Variants in PEX14 observed in about 807,000 individuals in gnomAD.
The protein encoded by PEX14 is peroxisomal biogenesis factor 14, also known as peroxisomal membrane protein PEX14.
Under a neutral mutation model 49.5 loss-of-function variants are expected in PEX14, and 15 were observed. The observed-to-expected ratio is 0.30, with a 90% CI of 0.20 to 0.47. PEX14 has a LOEUF of 0.47. PEX14 is among the 20% of genes least tolerant of loss of function. The probability of loss-of-function intolerance (pLI) is 1.00; values close to 1 mark genes in which losing one functional copy is unlikely to be tolerated. For missense variants in PEX14, 398 were observed against 494.8 expected, an observed-to-expected ratio of 0.80 and a Z score of 1.86; for synonymous variants, 210 against 212.7, an observed-to-expected ratio of 0.99 and a Z score of 0.11.
chr1:10,615,217 T>A (rs898932893), intron 4 of PEX14, among the ~76,000 whole-genome samples: 1 of 152,164 alleles, frequency 6.6e-6, no homozygotes, highest in African/African-American at 2.4e-5. Context: ...AACCTCTGCA[T>A]GCGACAAAAC....
intron 2 of PEX14, among the ~76,000 whole-genome samples, chr1:10,524,089 A>G (rs1359088702): frequency 1.3e-5 from 2 of 152,164 alleles, no homozygotes; most frequent in Non-Finnish European, 2.9e-5. Context: ...CCACAGATAA[A>G]TGGTGCTAGC....
intron 1 of PEX14, among the ~76,000 whole-genome samples, chr1:10,488,539 G>A (rs1361214610): frequency 3.3e-5 from 5 of 151,538 alleles, no homozygotes; most frequent in African/African-American, 9.7e-5. Context: ...TCACTCTGTC[G>A]CCCTGGCTGG....
chr1:10,476,235 C>T (rs1010257275), intron 1 of PEX14, among the ~76,000 whole-genome samples: 4 of 152,168 alleles, frequency 2.6e-5, no homozygotes, highest in Non-Finnish European at 5.9e-5. Flanking sequence ...TGTGTTCCCC[C>T]ATACCAGTTT....
chr1:10,480,859 CTATA>C (rs534388595), intron 1 of PEX14, among the ~76,000 whole-genome samples: 6 of 126,006 alleles, frequency 4.8e-5, no homozygotes, highest in African/African-American at 1.5e-4. Flanking sequence ...CTCTCTCTCT[CTATA>C]TATATATTTT....
intron 2 of PEX14, among the ~76,000 whole-genome samples, chr1:10,533,046 T>C (rs935182736): frequency 5.3e-5 from 8 of 152,284 alleles, no homozygotes; most frequent in African/African-American, 1.7e-4. Flanking sequence ...CCCCATTTTG[T>C]AGTGCCAGTT....
In PEX14 at chr1:10,536,388, G is replaced by A. The variant is rs528768248; in HGVS notation, c.169+91G>A. 4.8e-6 allele frequency: 4 copies of A among 840,658 alleles called. No homozygotes were observed. In the South Asian group the frequency reaches 5.4e-5, roughly 11 times the overall value. The allele number at this position is 840,658 out of a possible 1,614,324, so 52.1% of individuals were successfully genotyped here. On this transcript the variant is annotated intron_variant, in intron 3 of 8. Coordinates refer to ENST00000356607, the MANE Select transcript of PEX14 (RefSeq NM_004565.3). The stretch of plus-strand genomic sequence containing the variant: ...CACGGTGCAAGGCAGGTGCTGAGCT[G>A]CCAGGACTTCCTAGAGCTGCCCACT...
intron 4 of PEX14, among the ~76,000 whole-genome samples, chr1:10,599,709 C>T (rs1159178288): frequency 1.3e-5 from 2 of 152,224 alleles, no homozygotes; most frequent in East Asian, 1.9e-4. Context: ...CTAAAAACAG[C>T]GTGACCATCT....
chr1:10,502,820 A>G lies in PEX14; in HGVS notation c.84+7499A>G, dbSNP rs147448898. Among the ~76,000 whole-genome samples the G allele has an allele frequency of 7.6e-3, 1,119 of 147,440 alleles. 14 individuals are homozygous for G. The highest frequency in any genetic ancestry group is 0.027 in the African/African-American group (1,065 of 39,854). On this transcript the variant is annotated intron_variant, in intron 2 of 8. Transcript: ENST00000356607. The stretch of plus-strand genomic sequence containing the variant: ...TCTTTTTTTTTTTTTTTTTAATGAC[A>G]GAGTCTTTCTCTGTCACTCAGGCTG...
At chr1:10,497,065 G>C (rs1490403017) in intron 2 of PEX14, among the ~76,000 whole-genome samples, 2 of 151,810 alleles carry the variant, frequency 1.3e-5, no homozygotes, top group Admixed American at 1.3e-4. Context: ...TTAAAAGGTA[G>C]ACCCTTTCTC....
chr1:10,497,084 ACT>A (rs1641580596), intron 2 of PEX14, among the ~76,000 whole-genome samples: 2 of 151,470 alleles, frequency 1.3e-5, no homozygotes, highest in African/African-American at 4.9e-5. Context: ...TCCTTCCCCC[ACT>A]TTTTTGTTTA....
chr1:10,555,335 C>T (rs1195003936), intron 3 of PEX14, among the ~76,000 whole-genome samples: 3 of 151,974 alleles, frequency 2.0e-5, no homozygotes, highest in Non-Finnish European at 2.9e-5. Flanking sequence ...GACACTCACT[C>T]GAAGAGCCTT....
At chr1:10,562,193 G>A (rs367711908) in intron 3 of PEX14, among the ~76,000 whole-genome samples, 12 of 152,210 alleles carry the variant, frequency 7.9e-5, no homozygotes, top group African/African-American at 2.9e-4. Flanking sequence ...CATGAGTCAT[G>A]AGGCCCAGCT....
intron 5 of PEX14, among the ~76,000 whole-genome samples, chr1:10,619,107 T>C (rs1641519939): frequency 6.6e-6 from 1 of 152,188 alleles, no homozygotes; most frequent in African/African-American, 2.4e-5. Flanking sequence ...CAAGTCAACT[T>C]TCAGGATCCC....
chr1:10,551,360 G>A (rs6696891), intron 3 of PEX14, among the ~76,000 whole-genome samples: 47,962 of 151,948 alleles, frequency 0.32, 8,380 homozygotes, highest in East Asian at 0.46. Context: ...CTGAGCTTCC[G>A]TGCCTCACCT....
Position 10,536,265 on chromosome 1 carries a change from T to A in PEX14, c.137T>A (p.Leu46His), listed in dbSNP as rs768614677. ...LQNSRVRQSPLATRRAFLKKK... is the reference protein window; with the variant it reads ...LQNSRVRQSPHATRRAFLKKK... ...AATTCCCGGGTCCGCCAGAGCCCACTTGCAACCAGGAGAGCATTCCTAAAG... is the reference window on the plus strand; with the variant it reads ...AATTCCCGGGTCCGCCAGAGCCCACATGCAACCAGGAGAGCATTCCTAAAG... The change falls in exon 3 of 9, where the codon CTT becomes CAT. Residue 46 changes from leucine to histidine, a missense_variant. Leu to His is a moderately conservative substitution (Grantham distance 99). Coordinates refer to ENST00000356607, the MANE Select transcript of PEX14 (RefSeq NM_004565.3). The A allele has an allele frequency of 3.1e-6, 5 of 1,611,456 alleles. No individual in the cohort carries two copies. The South Asian group carries it at 5.5e-5, about 18-fold the overall frequency.
intron 3 of PEX14, among the ~76,000 whole-genome samples, chr1:10,545,111 T>G (rs1035906741): frequency 2.0e-5 from 3 of 152,196 alleles, no homozygotes; most frequent in Non-Finnish European, 4.4e-5. Context: ...ATACAGTGTG[T>G]AATTTTTTTT....
chr1:10,475,025 G>A lies in PEX14; in HGVS notation c.36+23G>A, dbSNP rs761468297. On this transcript the variant is annotated intron_variant, in intron 1 of 8. Coordinates refer to ENST00000356607, the MANE Select transcript of PEX14 (RefSeq NM_004565.3). ...CAGGTAAGGGGAGTGGGACTGCCCC[G>A]CTGTGCGGCGGAGACCCCGGCTGGA... The A allele has an allele frequency of 1.1e-5, 18 of 1,601,108 alleles. No individual in the cohort carries two copies. The East Asian group carries it at 2.0e-4, about 18-fold the overall frequency.
chr1:10,513,709 T>C (rs1168116816), intron 2 of PEX14, among the ~76,000 whole-genome samples: 1 of 152,214 alleles, frequency 6.6e-6, no homozygotes, highest in Non-Finnish European at 1.5e-5. Context: ...TCCATTTAGC[T>C]GACTATTATA....
intron 2 of PEX14, among the ~76,000 whole-genome samples, chr1:10,531,432 C>A (rs1174986776): frequency 6.6e-6 from 1 of 152,152 alleles, no homozygotes; most frequent in South Asian, 2.1e-4. Flanking sequence ...TGTTAAAACT[C>A]GAGTTGGCTT....
Sources: gnomAD v4.1 joint callset for allele counts (sites outside exome capture counted in the v4.1 genomes callset) on GRCh38, gnomAD v4.1.1 for gene constraint, MANE v1.5 for transcripts, NCBI Gene and HGNC (gene_info 2026-07-23, HGNC 2026-07-21) for gene names.